Variants in ROBO1 observed in about 807,000 individuals in gnomAD.
ROBO1 encodes roundabout homolog 1.
In ROBO1, 149 loss-of-function variants were observed where a neutral mutation model predicts 195.9. That is an observed-to-expected ratio of 0.76 (90% CI 0.67 to 0.87). ROBO1 has a LOEUF of 0.87. ROBO1 is among the 40% of genes least tolerant of loss of function. ROBO1 has a pLI of 0.00. For synonymous variants in ROBO1, 816 were observed against 733.2 expected (o/e 1.11, Z -1.82); for missense variants, 1,933 against 2,068.3 (o/e 0.93, Z 1.27).
intron 2 of ROBO1, among the ~76,000 whole-genome samples, chr3:79,263,925 T>G (rs1053435340): frequency 2.0e-5 from 3 of 152,092 alleles, no homozygotes; most frequent in East Asian, 1.9e-4. Flanking sequence ...CTTTGACTCC[T>G]TCTATCCGAT....
Position 78,672,007 on chromosome 3 carries a change from G to T in ROBO1, c.1343-1706C>A, listed in dbSNP as rs182134800. The stretch of plus-strand genomic sequence containing the variant: ...ACTTAACAAAAATAAAGCAATAAAA[G>T]AAAAAGATCAGCTCTAGCATCTGCC... On this transcript the variant is annotated intron_variant, in intron 10 of 30. Coordinates refer to ENST00000464233, the MANE Select transcript of ROBO1 (RefSeq NM_002941.4). Among the ~76,000 whole-genome samples the T allele has an allele frequency of 3.9e-3, 597 of 152,224 alleles. 3 individuals carry two copies. The highest frequency in any genetic ancestry group is 6.9e-3 in the Non-Finnish European group (469 of 68,008).
chr3:79,277,536 T>G (rs1314572214), intron 2 of ROBO1, among the ~76,000 whole-genome samples: 1 of 152,128 alleles, frequency 6.6e-6, no homozygotes, highest in Non-Finnish European at 1.5e-5. Flanking sequence ...TATGGTTATA[T>G]AGAATAAATA....
rs2082035878 is a variant in ROBO1 at position 78,721,135 on chromosome 3, G to C, written c.658-3252C>G. On this transcript the variant is annotated intron_variant, in intron 5 of 30. Coordinates refer to ENST00000464233, the MANE Select transcript of ROBO1 (RefSeq NM_002941.4). ...ATATGTGTCTTTGGCTATACGAGTTGTACAAATGAAAATAAATGCACAGCT... is the reference window on the plus strand; with the variant it reads ...ATATGTGTCTTTGGCTATACGAGTTCTACAAATGAAAATAAATGCACAGCT... Among the ~76,000 whole-genome samples the C allele has an allele frequency of 1.3e-5, 2 of 151,946 alleles. 1 individual carries two copies. The highest frequency in any genetic ancestry group is 1.3e-4 in the Admixed American group (2 of 15,242).
intron 4 of ROBO1, among the ~76,000 whole-genome samples, chr3:78,915,324 TACC>T (rs1420202721): frequency 6.6e-6 from 1 of 152,186 alleles, no homozygotes; most frequent in Non-Finnish European, 1.5e-5. Flanking sequence ...AAAGAAAAAT[TACC>T]ACCAGGTGTT....
At chr3:79,738,219 T>C (rs1297440488) in intron 1 of ROBO1, among the ~76,000 whole-genome samples, 2 of 152,204 alleles carry the variant, frequency 1.3e-5, no homozygotes, top group East Asian at 3.9e-4. Context: ...CAATAAACAA[T>C]TTTCCCACCA....
At position 78,926,532 on chromosome 3, in the gene ROBO1, T is replaced by C. The variant is rs569465606; in HGVS notation, c.499+12069A>G. On this transcript the variant is annotated intron_variant, in intron 4 of 30. Transcript: ENST00000464233. Reference sequence around the variant, plus strand: ...GAGGGTTGGATGGATAATGGCATCATTATCATCGTTAGGAAATAATAGAGG... The same window carrying C: ...GAGGGTTGGATGGATAATGGCATCACTATCATCGTTAGGAAATAATAGAGG... Among the ~76,000 whole-genome samples the C allele has an allele frequency of 2.0e-5, 3 of 152,240 alleles. No individual in the cohort carries two copies. In the South Asian group the frequency reaches 6.2e-4, roughly 32 times the overall value.
Position 78,639,220 on chromosome 3 carries a change from G to C in ROBO1, c.3037+524C>G, listed in dbSNP as rs377567225. Reference sequence around the variant, plus strand: ...GCCTGTACTCCCAGCACTTTGGGAAGCCGAGGTGAATGGATCACGTGAGGC... The same window carrying C: ...GCCTGTACTCCCAGCACTTTGGGAACCCGAGGTGAATGGATCACGTGAGGC... On this transcript the variant is annotated intron_variant, in intron 22 of 30. Transcript: ENST00000464233. Among the ~76,000 whole-genome samples, 28 of 152,192 alleles carry C rather than the reference G, an allele frequency of 1.8e-4. No individual in the cohort carries two copies. The South Asian group carries it at 5.8e-3, about 32-fold the overall frequency.
At position 78,659,683 on chromosome 3, in the gene ROBO1, T is replaced by C; in HGVS notation, c.2442+3A>G. The C allele has an allele frequency of 6.5e-7, 1 of 1,536,594 alleles. No individual in the cohort carries two copies. The highest frequency in any genetic ancestry group is 8.8e-7 in the Non-Finnish European group (1 of 1,137,454). On this transcript the variant is annotated splice_donor_region_variant and intron_variant, in intron 17 of 30. Transcript: ENST00000464233. ...TTAATATATATATATATTATACTCA[T>C]ACCTTATACTCTTGGACCATTCCAT... is the stretch of plus-strand genomic sequence containing the variant.
chr3:79,389,883 A>G (rs2036884019), intron 2 of ROBO1, among the ~76,000 whole-genome samples: 1 of 152,092 alleles, frequency 6.6e-6, no homozygotes, highest in Non-Finnish European at 1.5e-5. Flanking sequence ...GATGCTTGGG[A>G]CAGATTTAAA....
intron 2 of ROBO1, among the ~76,000 whole-genome samples, chr3:79,342,919 T>A (rs1176029411): frequency 1.3e-5 from 2 of 152,160 alleles, no homozygotes; most frequent in South Asian, 4.1e-4. Context: ...TGGGTTTGAA[T>A]AAATGTATAT....
intron 4 of ROBO1, among the ~76,000 whole-genome samples, chr3:78,778,300 T>C (rs973644647): frequency 6.6e-6 from 1 of 152,150 alleles, no homozygotes; most frequent in Non-Finnish European, 1.5e-5. Context: ...ATTTTCTTTT[T>C]TTGTTGTGTC....
At chr3:79,381,487 T>C (rs1341024101) in intron 2 of ROBO1, among the ~76,000 whole-genome samples, 1 of 152,038 alleles carries the variant, frequency 6.6e-6, no homozygotes, top group Non-Finnish European at 1.5e-5. Context: ...CTATTTTCTA[T>C]AGCATAATTC....
At chr3:78,916,104 A>G (rs935251867) in intron 4 of ROBO1, among the ~76,000 whole-genome samples, 9 of 151,838 alleles carry the variant, frequency 5.9e-5, no homozygotes, top group South Asian at 2.1e-4. Flanking sequence ...ACAAAAAATT[A>G]GCCGGGTGTG....
In ROBO1 at chr3:79,372,808, A is replaced by AT. The variant is rs1407872591; in HGVS notation, c.88+217015dup. 3.9e-5 allele frequency among the ~76,000 whole-genome samples: 6 copies of AT among 152,204 alleles called. No homozygotes were observed. In the South Asian group the frequency reaches 1.2e-3, roughly 31 times the overall value. The stretch of plus-strand genomic sequence containing the variant: ...ATTAATGTGTTAGCTATAGCATATC[A>AT]TATAACATGTAAAACATAGTCTATA... On this transcript the variant is annotated intron_variant, in intron 2 of 30. Transcript: ENST00000464233.
intron 7 of ROBO1, among the ~76,000 whole-genome samples, chr3:78,717,071 GT>G (rs1161271843): frequency 6.6e-6 from 1 of 152,036 alleles, no homozygotes; most frequent in Non-Finnish European, 1.5e-5. Flanking sequence ...GCAGCCCAGG[GT>G]CACGAATGCA....
intron 2 of ROBO1, 132 bp from the exon 3 acceptor site, chr3:79,125,671 G>T (rs751876560): frequency 1.4e-4 from 94 of 686,062 alleles, no homozygotes; most frequent in Non-Finnish European, 2.2e-4. Context: ...CACACAGCAC[G>T]CTTCATCCTT....
At chr3:78,835,630 CA>C (rs5850397) in intron 4 of ROBO1, among the ~76,000 whole-genome samples, 44,140 of 151,962 alleles carry the variant, frequency 0.29, 8,038 homozygotes, top group South Asian at 0.46. Context: ...TAGTTTTAAG[CA>C]GACAATTTGT....
chr3:78,962,374 T>G (rs967744882), intron 3 of ROBO1, among the ~76,000 whole-genome samples: 26 of 152,280 alleles, frequency 1.7e-4, no homozygotes, highest in Non-Finnish European at 2.9e-4. Context: ...TTTACTTTTT[T>G]GGTGGAATTT....
At chr3:79,748,143 T>C (rs1424830248) in intron 1 of ROBO1, among the ~76,000 whole-genome samples, 1 of 152,142 alleles carries the variant, frequency 6.6e-6, no homozygotes, top group African/African-American at 2.4e-5. Context: ...ACATAAATTA[T>C]TTCAAATAAC....
Sources: gnomAD v4.1 joint callset for allele counts (sites outside exome capture counted in the v4.1 genomes callset) on GRCh38, gnomAD v4.1.1 for gene constraint, MANE v1.5 for transcripts, NCBI Gene and HGNC (gene_info 2026-07-23, HGNC 2026-07-21) for gene names.